The following KIF16B variants were observed in gnomAD, a reference collection of about 807,000 sequenced individuals.
KIF16B encodes kinesin family member 16B.
A neutral mutation model predicts 156.3 loss-of-function variants in KIF16B; 98 were observed. That is an observed-to-expected ratio of 0.63 (90% CI 0.53 to 0.74). KIF16B has a LOEUF of 0.74. KIF16B is among the 30% of genes least tolerant of loss of function. KIF16B has a pLI of 0.00. For missense variants in KIF16B, 1,421 were observed against 1,606.5 expected, an observed-to-expected ratio of 0.88 and a Z score of 1.97; for synonymous variants, 564 against 583.7, an observed-to-expected ratio of 0.97 and a Z score of 0.49.
intron 15 of KIF16B, among the ~76,000 whole-genome samples, chr20:16,407,705 T>C (rs553817832): frequency 7.9e-5 from 12 of 152,112 alleles, no homozygotes; most frequent in Non-Finnish European, 1.6e-4. Context: ...ACTGGATAGA[T>C]GAAATAGCCT....
intron 1 of KIF16B, among the ~76,000 whole-genome samples, chr20:16,565,021 C>G (rs1376129445): frequency 7.0e-6 from 1 of 143,164 alleles, no homozygotes; most frequent in Non-Finnish European, 1.5e-5. Flanking sequence ...CCACTCCTAC[C>G]TCCTGAAATC....
chr20:16,512,845 A>C lies in KIF16B; in HGVS notation c.427T>G (p.Ser143Ala), dbSNP rs763946499. The change falls in exon 5 of 26, where the codon TCT becomes GCT. Residue 143 changes from serine to alanine, a missense_variant. Physicochemically the swap from Ser to Ala is moderately conservative, Grantham distance 99 (BLOSUM62 1). Coordinates refer to ENST00000354981, the MANE Select transcript of KIF16B (RefSeq NM_024704.5). ...CCCTACCTGACTTCAGTTCGAAAAG[A>C]AGCTTCATCCCATCTGGTGGTTTCA... is the stretch of plus-strand genomic sequence containing the variant. ...INETTRWDEA[S>A]FRTEVSYLEI... The C allele has an allele frequency of 1.2e-6, 2 of 1,613,786 alleles. No individual in the cohort carries two copies. Among genetic ancestry groups the C allele is most frequent in the South Asian group, 1.1e-5 (1 of 91,076 alleles).
intron 1 of KIF16B, among the ~76,000 whole-genome samples, chr20:16,529,201 G>A (rs2069659487): frequency 6.6e-6 from 1 of 152,176 alleles, no homozygotes; most frequent in African/African-American, 2.4e-5. Context: ...GGAAATTGAG[G>A]ATAAGGATTT....
intron 12 of KIF16B, among the ~76,000 whole-genome samples, chr20:16,461,020 G>T (rs2146676389): frequency 6.6e-6 from 1 of 152,108 alleles, no homozygotes; most frequent in South Asian, 2.1e-4. Context: ...AAAGGAAAAT[G>T]TATAGCCTTA....
chr20:16,379,046 CTTTTTCCTCCT>C lies in KIF16B; in HGVS notation c.2945_2955del (p.Gln982ArgfsTer45). 6.2e-7 allele frequency: 1 copy of C among 1,610,504 alleles called. No homozygotes were observed. Among genetic ancestry groups the C allele is most frequent in the African/African-American group, 1.3e-5 (1 of 74,718 alleles). On this transcript the variant is annotated frameshift_variant, in exon 19 of 26. Coordinates refer to ENST00000354981, the MANE Select transcript of KIF16B (RefSeq NM_024704.5). LOFTEE classifies it high-confidence loss of function. ...AAAATCTCCTTTTCCTTTTTCCTCA[CTTTTTCCTCCT>C]GACGTGCAATGTTGGCAGTGAATTC...
chr20:16,558,024 G>T (rs1049241397), intron 1 of KIF16B, among the ~76,000 whole-genome samples: 1 of 152,112 alleles, frequency 6.6e-6, no homozygotes, highest in Non-Finnish European at 1.5e-5. Context: ...AAAATAGAGG[G>T]GGGACAGGAA....
At chr20:16,288,576 G>A (rs1424018354) in intron 25 of KIF16B, among the ~76,000 whole-genome samples, 1 of 147,846 alleles carries the variant, frequency 6.8e-6, no homozygotes, top group Non-Finnish European at 1.5e-5. Context: ...AGTATGTACT[G>A]GTGATAAGGT....
chr20:16,370,897 T>A (rs1447783313), intron 21 of KIF16B, among the ~76,000 whole-genome samples: 1 of 152,234 alleles, frequency 6.6e-6, no homozygotes, highest in African/African-American at 2.4e-5. Context: ...CTTAGGGCAT[T>A]TCTTAATTTG....
At chr20:16,406,487 A>G in intron 15 of KIF16B, 31 bp from the exon 16 acceptor site, 1 of 1,594,956 alleles carries the variant, frequency 6.3e-7, no homozygotes, top group Non-Finnish European at 8.6e-7. Context: ...TAATGAATTT[A>G]CAGTAAGCAG....
At chr20:16,367,598 C>T in intron 22 of KIF16B, 1 of 1,612,748 alleles carries the variant, frequency 6.2e-7, no homozygotes, top group Non-Finnish European at 8.5e-7. Flanking sequence ...TGAACTTCTG[C>T]CAGGGAAGGG....
chr20:16,424,566 A>G (rs1391020490), intron 15 of KIF16B, among the ~76,000 whole-genome samples: 3 of 152,178 alleles, frequency 2.0e-5, no homozygotes, highest in African/African-American at 7.2e-5. Flanking sequence ...TACGTATAAC[A>G]TACAAAAAGG....
intron 17 of KIF16B, among the ~76,000 whole-genome samples, chr20:16,382,576 T>C (rs1020973280): frequency 6.6e-6 from 1 of 152,206 alleles, no homozygotes; most frequent in Non-Finnish European, 1.5e-5. Flanking sequence ...ATTTAGGTCA[T>C]TGGGAATTTT....
In KIF16B at chr20:16,470,079, C is replaced by T. The variant is rs546795070; in HGVS notation, c.1302+24212G>A. Among the ~76,000 whole-genome samples, 55 of 151,946 alleles carry T rather than the reference C, an allele frequency of 3.6e-4. 1 individual carries two copies. The highest frequency in any genetic ancestry group is 7.4e-4 in the Non-Finnish European group (50 of 67,996). ...TGTATATTAAATAAGTAAAAGAAGCCAATCTAAAAAGGCTCATATGGTATG... is the reference window on the plus strand; with the variant it reads ...TGTATATTAAATAAGTAAAAGAAGCTAATCTAAAAAGGCTCATATGGTATG... On this transcript the variant is annotated intron_variant, in intron 12 of 25. Transcript: ENST00000354981.
chr20:16,557,455 C>T (rs2070893011), intron 1 of KIF16B, among the ~76,000 whole-genome samples: 2 of 152,162 alleles, frequency 1.3e-5, no homozygotes, highest in African/African-American at 2.4e-5. Flanking sequence ...GCTGGGATTA[C>T]AGGCATGAGT....
chr20:16,549,232 C>T (rs6044109), intron 1 of KIF16B, among the ~76,000 whole-genome samples: 5,395 of 147,992 alleles, frequency 0.036, 145 homozygotes, highest in African/African-American at 0.071. Context: ...GATATTCCCC[C>T]TCCTGTGTCC....
chr20:16,343,977 CT>C (rs2064185822), intron 23 of KIF16B, among the ~76,000 whole-genome samples: 1 of 152,076 alleles, frequency 6.6e-6, no homozygotes, highest in Non-Finnish European at 1.5e-5. Context: ...TGCTCAATAA[CT>C]TTTCCAGCGA....
At chr20:16,363,764 A>G (rs886835255) in intron 22 of KIF16B, among the ~76,000 whole-genome samples, 1 of 152,252 alleles carries the variant, frequency 6.6e-6, no homozygotes, top group East Asian at 1.9e-4. Context: ...CCTGCAGCGT[A>G]CAGCACAGCC....
chr20:16,319,326 G>T (rs980919483), intron 24 of KIF16B, among the ~76,000 whole-genome samples: 1 of 152,128 alleles, frequency 6.6e-6, no homozygotes, highest in African/African-American at 2.4e-5. Context: ...ACTGAGTATG[G>T]TATATAAGAA....
intron 10 of KIF16B, among the ~76,000 whole-genome samples, chr20:16,498,606 T>C (rs2068522181): frequency 6.6e-6 from 1 of 152,164 alleles, no homozygotes; most frequent in Non-Finnish European, 1.5e-5. Flanking sequence ...TCACTCTTTT[T>C]AACAATTCCA....
Sources: allele counts gnomAD v4.1 joint callset (sites outside exome capture counted in the v4.1 genomes callset), GRCh38; gene constraint gnomAD v4.1.1; transcripts MANE v1.5; gene names NCBI Gene and HGNC (gene_info 2026-07-23, HGNC 2026-07-21).